Variants in TNRC6A observed in about 807,000 individuals in gnomAD.
TNRC6A encodes the protein trinucleotide repeat containing adaptor 6A.
TNRC6A carries 44 observed loss-of-function variants against 221.2 expected under a neutral mutation model. That is an observed-to-expected ratio of 0.20 (90% CI 0.16 to 0.26). TNRC6A has a LOEUF of 0.26. Ranked by LOEUF, TNRC6A falls within the 10% of genes least tolerant of loss-of-function variation. The probability of loss-of-function intolerance (pLI) is 1.00; values close to 1 mark genes in which losing one functional copy is unlikely to be tolerated. For synonymous variants in TNRC6A, 847 were observed against 838.5 expected (o/e 1.01, Z -0.18); for missense variants, 2,199 against 2,404.4 (o/e 0.91, Z 1.79).
chr16:24,629,472 T>C (rs1901218557), intron 1 of TNRC6A, among the ~76,000 whole-genome samples: 1 of 152,220 alleles, frequency 6.6e-6, no homozygotes, highest in African/African-American at 2.4e-5. Context: ...ACAAATCTTA[T>C]ATCAATCAAA....
intron 1 of TNRC6A, among the ~76,000 whole-genome samples, chr16:24,621,826 G>A (rs553466863): frequency 7.9e-5 from 12 of 152,240 alleles, no homozygotes; most frequent in Middle Eastern, 6.8e-3. Flanking sequence ...CAAACACTGC[G>A]ACTCGGAAGC....
At position 24,821,184 on chromosome 16, in the gene TNRC6A, GTGGTGTGAGTGGTTTTTGGTT is replaced by G. The variant is rs905393092; in HGVS notation, c.5302+844_5303-853del. Among the ~76,000 whole-genome samples the G allele has an allele frequency of 2.4e-4, 36 of 152,342 alleles. 1 individual carries two copies. Among genetic ancestry groups the G allele is most frequent in the Non-Finnish European group, 3.8e-4 (26 of 68,034 alleles). On this transcript the variant is annotated intron_variant, in intron 22 of 24. Transcript: ENST00000395799. Reference sequence around the variant, plus strand: ...CTGAATGCAAGTTAACATAATTGGTGTGGTGTGAGTGGTTTTTGGTTTGGTGTGAGTGGTTTTTGGAGGCCG... The same window carrying G: ...CTGAATGCAAGTTAACATAATTGGTGTGGTGTGAGTGGTTTTTGGAGGCCG...
At chr16:24,743,530 G>C (rs1034121265) in intron 2 of TNRC6A, among the ~76,000 whole-genome samples, 1 of 147,726 alleles carries the variant, frequency 6.8e-6, no homozygotes, top group South Asian at 2.2e-4. Flanking sequence ...TTGCCATGTT[G>C]CCCAGGCTGG....
chr16:24,776,873 A>G (rs1295624001), intron 4 of TNRC6A, 60 bp from the exon 5 acceptor site: 2 of 1,548,234 alleles, frequency 1.3e-6, no homozygotes, highest in Non-Finnish European at 1.7e-6. Context: ...TAGATGGCTT[A>G]CTTTGGAGGT....
chr16:24,619,796 G>A (rs76158539), intron 1 of TNRC6A, among the ~76,000 whole-genome samples: 2,383 of 152,128 alleles, frequency 0.016, 63 homozygotes, highest in African/African-American at 0.054. Context: ...GTGAGAGACC[G>A]CAGGAGCAGA....
intron 2 of TNRC6A, among the ~76,000 whole-genome samples, chr16:24,687,883 G>GAAGAAGAAGAAGAAGAAGAAGAAGAA (rs56741888): frequency 6.8e-6 from 1 of 146,588 alleles, no homozygotes; most frequent in Non-Finnish European, 1.5e-5. Context: ...AGAAGAAGAA[G>GAAGAAGAAGAAGAAGAAGAAGAAGAA]CAGCTTATTC....
At chr16:24,816,568 G>A (rs764482036) in intron 19 of TNRC6A, 10 of 416,286 alleles carry the variant, frequency 2.4e-5, no homozygotes, top group East Asian at 4.4e-5. Flanking sequence ...TATATGTTAC[G>A]TGTGTGTGTG....
intron 2 of TNRC6A, among the ~76,000 whole-genome samples, chr16:24,708,530 C>T (rs912804836): frequency 1.3e-5 from 2 of 151,906 alleles, no homozygotes; most frequent in African/African-American, 4.8e-5. Flanking sequence ...CGTGAGCCAC[C>T]GCCCCCAGCC....
intron 2 of TNRC6A, among the ~76,000 whole-genome samples, chr16:24,695,936 A>T (rs2055849705): frequency 6.6e-6 from 1 of 152,118 alleles, no homozygotes; most frequent in Admixed American, 6.6e-5. Context: ...AATTAATGGG[A>T]TTCCCACCAG....
At chr16:24,659,666 C>T (rs1458979870) in intron 2 of TNRC6A, among the ~76,000 whole-genome samples, 1 of 152,168 alleles carries the variant, frequency 6.6e-6, no homozygotes, top group Non-Finnish European at 1.5e-5. Flanking sequence ...TGGTCTCAAA[C>T]TCCTGGGCTC....
chr16:24,676,382 C>T (rs933914431), intron 2 of TNRC6A, among the ~76,000 whole-genome samples: 2 of 151,796 alleles, frequency 1.3e-5, no homozygotes, highest in African/African-American at 4.8e-5. Flanking sequence ...CTGCAACCTC[C>T]ACCACCCACA....
At chr16:24,658,553 G>T (rs555759030) in intron 2 of TNRC6A, among the ~76,000 whole-genome samples, 2 of 152,066 alleles carry the variant, frequency 1.3e-5, no homozygotes, top group South Asian at 4.2e-4. Flanking sequence ...GTAGAGACAG[G>T]GTTTCACCAT....
chr16:24,711,210 G>A (rs1567378228), intron 2 of TNRC6A, among the ~76,000 whole-genome samples: 1 of 151,954 alleles, frequency 6.6e-6, no homozygotes, highest in Non-Finnish European at 1.5e-5. Flanking sequence ...GTTTCACCAG[G>A]TTGGCCAGGC....
chr16:24,682,604 C>T (rs2055554308), intron 2 of TNRC6A, among the ~76,000 whole-genome samples: 1 of 152,132 alleles, frequency 6.6e-6, no homozygotes, highest in African/African-American at 2.4e-5. Flanking sequence ...ATTAGGCTGG[C>T]TTCTGTTACC....
chr16:24,793,603 C>T lies in TNRC6A; in HGVS notation c.3306C>T (p.Ser1102=), dbSNP rs760126673. The T allele has an allele frequency of 6.4e-7, 1 of 1,556,738 alleles. No homozygotes were observed. The highest frequency in any genetic ancestry group is 1.3e-5 in the South Asian group (1 of 78,950). The change falls in exon 7 of 25, where the codon TCC becomes TCT. Residue 1102 remains serine (S), a synonymous_variant. Coordinates refer to ENST00000395799, the MANE Select transcript of TNRC6A (RefSeq NM_014494.4). The part of the protein sequence containing the change: ...GEPIAAASST[S]TWGSSSVGPQ... ...CCATTGCTGCGGCATCCAGCACATC[C>T]ACGTGGGGCTCCAGCTCTGTTGGTC...
chr16:24,632,722 T>C (rs547105286), intron 1 of TNRC6A, among the ~76,000 whole-genome samples: 1 of 152,076 alleles, frequency 6.6e-6, no homozygotes, highest in Admixed American at 6.6e-5. Context: ...AAAAATAAAA[T>C]CTGGGGCCAG....
chr16:24,663,803 C>T (rs1596622401), intron 2 of TNRC6A: 2 of 413,022 alleles, frequency 4.8e-6, no homozygotes, highest in South Asian at 3.6e-5. Flanking sequence ...CAGGCTGATA[C>T]AGCATGACCG....
At chr16:24,754,416 G>A (rs1283678616) in intron 3 of TNRC6A, among the ~76,000 whole-genome samples, 1 of 151,980 alleles carries the variant, frequency 6.6e-6, no homozygotes, top group Non-Finnish European at 1.5e-5. Context: ...GATGACTTTT[G>A]TTCTTAAAAT....
chr16:24,780,272 C>G (rs1018978041), intron 5 of TNRC6A, among the ~76,000 whole-genome samples: 1 of 152,170 alleles, frequency 6.6e-6, no homozygotes, highest in African/African-American at 2.4e-5. Context: ...CTCTTTCTCT[C>G]TCTCATATAT....
Sources: allele counts gnomAD v4.1 joint callset (sites outside exome capture counted in the v4.1 genomes callset), GRCh38; gene constraint gnomAD v4.1.1; transcripts MANE v1.5; gene names NCBI Gene and HGNC (gene_info 2026-07-23, HGNC 2026-07-21).